PLA2G4D: variants seen among roughly 807,000 people sequenced by gnomAD.
The protein encoded by PLA2G4D is phospholipase A2 group IVD, also known as cytosolic phospholipase A2 delta.
Under a neutral mutation model 94.4 loss-of-function variants are expected in PLA2G4D, and 80 were observed. The ratio of observed to expected loss-of-function variants is 0.85; its 90% CI spans 0.71 to 1.02. The LOEUF (loss-of-function observed/expected upper bound fraction) is 1.02, where lower values mean the gene tolerates loss of function less well. PLA2G4D is among the 50% of genes least tolerant of loss of function. PLA2G4D has a pLI of 0.00. For missense variants in PLA2G4D, 1,050 were observed against 1,034.7 expected (o/e 1.01, Z -0.20); for synonymous variants, 438 against 440.9 (o/e 0.99, Z 0.08).
At chr15:42,073,554 C>A (rs116169782) in intron 13 of PLA2G4D, among the ~76,000 whole-genome samples, 1 of 152,198 alleles carries the variant, frequency 6.6e-6, no homozygotes, top group Admixed American at 6.5e-5. Context: ...ACCATGAATA[C>A]GTCATCCTTC....
At chr15:42,070,533 G>A in intron 18 of PLA2G4D, 184 bp downstream of exon 18, 1 of 703,742 alleles carries the variant, frequency 1.4e-6, no homozygotes. Flanking sequence ...GGGAGCCCAA[G>A]GCCCCTGCAC....
At chr15:42,080,148 T>C (rs1279876141) in intron 12 of PLA2G4D, among the ~76,000 whole-genome samples, 1 of 152,208 alleles carries the variant, frequency 6.6e-6, no homozygotes, top group Non-Finnish European at 1.5e-5. Flanking sequence ...CACATCTCAA[T>C]GTGGACTGGC....
At chr15:42,083,953 G>A in intron 6 of PLA2G4D, 174 bp from the exon 7 acceptor site, 1 of 621,026 alleles carries the variant, frequency 1.6e-6, no homozygotes. Flanking sequence ...CTCTGCCGCG[G>A]CTGAACCTGA....
chr15:42,089,103 A>G (rs1890207068), intron 1 of PLA2G4D, among the ~76,000 whole-genome samples: 1 of 152,202 alleles, frequency 6.6e-6, no homozygotes, highest in Non-Finnish European at 1.5e-5. Flanking sequence ...CCCGACCCTG[A>G]GGGAGCCAAA....
intron 15 of PLA2G4D, 44 bp from the exon 16 acceptor site, chr15:42,071,595 G>C (rs1566860261): frequency 1.3e-6 from 2 of 1,567,918 alleles, no homozygotes; most frequent in South Asian, 2.3e-5. Flanking sequence ...CCAGCCAGCG[G>C]CCCCACCCTC....
intron 11 of PLA2G4D, 85 bp downstream of exon 11, chr15:42,081,394 G>T: frequency 4.5e-6 from 7 of 1,542,738 alleles, no homozygotes; most frequent in Non-Finnish European, 6.1e-6. Context: ...CCACTGACTG[G>T]AGTTTCTGGA....
intron 6 of PLA2G4D, chr15:42,083,996 A>C (rs1595596728): frequency 1.8e-6 from 1 of 561,790 alleles, no homozygotes; most frequent in Non-Finnish European, 3.2e-6. Flanking sequence ...CCCTGGCTCC[A>C]CACCTCCCCT....
intron 18 of PLA2G4D, chr15:42,070,516 C>T (rs1266831406): frequency 1.6e-6 from 1 of 629,346 alleles, no homozygotes; most frequent in Non-Finnish European, 2.7e-6. Context: ...CCCTGTTCAC[C>T]TGTCCTGGGA....
At position 42,071,295 on chromosome 15, in the gene PLA2G4D, C is replaced by A. The variant is rs1479035044; in HGVS notation, c.1704G>T (p.Ser568=). The change falls in exon 17 of 20, where the codon TCG becomes TCT. Residue 568 remains serine, a synonymous_variant. Coordinates refer to ENST00000290472, the MANE Select transcript of PLA2G4D (RefSeq NM_178034.4). Reference sequence around the variant, plus strand: ...AGGCCTCCAGCCGCGAGGAGGTCCCCGAGGTGGTCAGGGGCTCCTTCTCTG... The same window carrying A: ...AGGCCTCCAGCCGCGAGGAGGTCCCAGAGGTGGTCAGGGGCTCCTTCTCTG... ...RSLEKEPLTT[S]GTSSRLEASW... 6.3e-7 allele frequency: 1 copy of A among 1,592,434 alleles called. No homozygotes were observed. The highest frequency in any genetic ancestry group is 2.2e-5 in the East Asian group (1 of 44,670).
chr15:42,086,194 T>TTGGGGC lies in PLA2G4D; in HGVS notation c.387+18_387+19insGCCCCA. ...GGAAGAAGTGGGGCCCACGGGGACT[T>TTGGGGC]CCCCACCCACCCACCCACCTGGGGA... On this transcript the variant is annotated intron_variant, in intron 4 of 19. Transcript: ENST00000290472. The TTGGGGC allele has an allele frequency of 7.3e-7, 1 of 1,370,444 alleles. No homozygotes were observed. The highest frequency in any genetic ancestry group is 9.6e-7 in the Non-Finnish European group (1 of 1,043,084). The allele number at this position is 1,370,444 out of a possible 1,614,324, so 84.9% of individuals were successfully genotyped here.
chr15:42,088,739 G>A (rs544468220), intron 1 of PLA2G4D, among the ~76,000 whole-genome samples: 8 of 152,232 alleles, frequency 5.3e-5, no homozygotes, highest in African/African-American at 1.2e-4. Flanking sequence ...TATGAGGCAC[G>A]TGGCCCCAGC....
chr15:42,083,951 C>T (rs1031207039), intron 6 of PLA2G4D, 172 bp from the exon 7 acceptor site: 16 of 624,512 alleles, frequency 2.6e-5, no homozygotes, highest in Middle Eastern at 4.1e-4. Context: ...TCCTCTGCCG[C>T]GGCTGAACCT....
chr15:42,083,116 G>C, intron 8 of PLA2G4D, 82 bp downstream of exon 8: 2 of 1,533,354 alleles, frequency 1.3e-6, no homozygotes, highest in South Asian at 2.5e-5. Context: ...GCCCTGGTGG[G>C]CAGGGAAGGC....
chr15:42,081,618 T>C lies in PLA2G4D; in HGVS notation c.822-4A>G. 6 of 1,613,876 alleles carry C rather than the reference T, an allele frequency of 3.7e-6. No homozygotes were observed. Among genetic ancestry groups the C allele is most frequent in the Non-Finnish European group, 5.1e-6 (6 of 1,179,820 alleles). Reference sequence around the variant, plus strand: ...GTGCACGGCCAGCTCCTCAGGGCTGTGGCAATGGAGGATCCAGGGGTCAGG... The same window carrying C: ...GTGCACGGCCAGCTCCTCAGGGCTGCGGCAATGGAGGATCCAGGGGTCAGG... On this transcript the variant is annotated splice_polypyrimidine_tract_variant and splice_region_variant and intron_variant, in intron 10 of 19. Transcript: ENST00000290472.
intron 13 of PLA2G4D, among the ~76,000 whole-genome samples, chr15:42,078,116 A>G (rs1205572887): frequency 6.6e-6 from 1 of 152,272 alleles, no homozygotes; most frequent in Non-Finnish European, 1.5e-5. Flanking sequence ...TGCTCTGGAC[A>G]CACTGCTGAT....
Position 42,071,324 on chromosome 15 carries a change from C to A in PLA2G4D, c.1682-7G>T. 1 of 1,574,438 alleles carries A rather than the reference C, an allele frequency of 6.4e-7. No homozygotes were observed. Among genetic ancestry groups the A allele is most frequent in the South Asian group, 1.2e-5 (1 of 85,602 alleles). On this transcript the variant is annotated splice_polypyrimidine_tract_variant and splice_region_variant and intron_variant, in intron 16 of 19. Transcript: ENST00000290472. Reference sequence around the variant, plus strand: ...GTGGTCAGGGGCTCCTTCTCTGAAGCCAGAGAAACAGAAATTGGTCCCTTC... The same window carrying A: ...GTGGTCAGGGGCTCCTTCTCTGAAGACAGAGAAACAGAAATTGGTCCCTTC...
In PLA2G4D at chr15:42,068,809, T is replaced by C. The variant is rs764475029; in HGVS notation, c.2363A>G (p.Asn788Ser). 77 of 1,613,666 alleles carry C rather than the reference T, an allele frequency of 4.8e-5. No homozygotes were observed. Among genetic ancestry groups the C allele is most frequent in the South Asian group, 3.5e-4 (32 of 90,986 alleles). Residue 788 changes from asparagine (N) to serine (S), a missense_variant, in exon 20 of 20, where the codon AAC (asparagine) becomes AGC (serine). Asn to Ser is a conservative substitution (Grantham distance 46). Coordinates refer to ENST00000290472, the MANE Select transcript of PLA2G4D (RefSeq NM_178034.4). ...FERLLRLSDY[N>S]VQTSQGAILQ... ...GATGGCACCCTGGCTGGTCTGCACG[T>C]TGTAGTCACTGAGCCGCAGCAGGCG...
At chr15:42,071,986 C>G (rs1009714142) in intron 14 of PLA2G4D, 75 bp from the exon 15 acceptor site, 1 of 1,532,206 alleles carries the variant, frequency 6.5e-7, no homozygotes. Flanking sequence ...GCGAAAGACA[C>G]TGCCCCTGCC....
At chr15:42,077,760 G>C (rs112308480) in intron 13 of PLA2G4D, among the ~76,000 whole-genome samples, 3,759 of 152,340 alleles carry the variant, frequency 0.025, 115 homozygotes, top group African/African-American at 0.072. Context: ...TCTGTTGCTT[G>C]GCCAGGGCCT....
Sources: allele counts gnomAD v4.1 joint callset (sites outside exome capture counted in the v4.1 genomes callset), GRCh38; gene constraint gnomAD v4.1.1; transcripts MANE v1.5; gene names NCBI Gene and HGNC (gene_info 2026-07-23, HGNC 2026-07-21).